The following GABRG3 variants were observed in gnomAD, a reference collection of about 807,000 sequenced individuals.
The protein encoded by GABRG3 is gamma-aminobutyric acid receptor subunit gamma-3.
A neutral mutation model predicts 48.8 loss-of-function variants in GABRG3; 25 were observed. The ratio of observed to expected loss-of-function variants is 0.51; its 90% CI spans 0.37 to 0.72. GABRG3 has a LOEUF of 0.72. GABRG3 is among the 30% of genes least tolerant of loss of function. The probability of loss-of-function intolerance (pLI) is 0.00; values close to 1 mark genes in which losing one functional copy is unlikely to be tolerated. For missense variants in GABRG3, 394 were observed against 577.9 expected (o/e 0.68, Z 3.26); for synonymous variants, 227 against 217.6 (o/e 1.04, Z -0.38).
Position 27,084,602 on chromosome 15 carries a change from G to A in GABRG3, c.270+57781G>A, listed in dbSNP as rs142761606. On this transcript the variant is annotated intron_variant, in intron 3 of 9. Coordinates refer to ENST00000615808, the MANE Select transcript of GABRG3 (RefSeq NM_033223.5). ...TGGCACAAGAGTCAGAGAACCTTCT[G>A]GAAAGACTGTTCAGTCTTTAACCAT... Among the ~76,000 whole-genome samples the A allele has an allele frequency of 4.4e-3, 675 of 152,332 alleles. 8 individuals are homozygous for A. The highest frequency in any genetic ancestry group is 0.015 in the African/African-American group (636 of 41,562).
At chr15:27,465,703 C>A (rs1889587055) in intron 5 of GABRG3, among the ~76,000 whole-genome samples, 1 of 152,196 alleles carries the variant, frequency 6.6e-6, no homozygotes, top group Non-Finnish European at 1.5e-5. Flanking sequence ...CCTCCCTGCA[C>A]TGAGTTTGCA....
intron 3 of GABRG3, among the ~76,000 whole-genome samples, chr15:27,258,434 G>A (rs955962573): frequency 4.6e-5 from 7 of 151,970 alleles, no homozygotes; most frequent in African/African-American, 1.2e-4. Context: ...TGCAGCATGC[G>A]GGACCATTTT....
intron 3 of GABRG3, among the ~76,000 whole-genome samples, chr15:27,046,729 G>C (rs1345853432): frequency 6.6e-6 from 1 of 152,138 alleles, no homozygotes; most frequent in Non-Finnish European, 1.5e-5. Flanking sequence ...CTTTTTTGGA[G>C]GTCTGAAAAT....
chr15:27,497,613 G>A lies in GABRG3; in HGVS notation c.712+16826G>A, dbSNP rs118101731. On this transcript the variant is annotated intron_variant, in intron 6 of 9. Coordinates refer to ENST00000615808, the MANE Select transcript of GABRG3 (RefSeq NM_033223.5). Reference sequence around the variant, plus strand: ...AAAAGCTTAAATGTGAAAATGACTCGGAGTTCAGAAAAGTATGTATTATTT... The same window carrying A: ...AAAAGCTTAAATGTGAAAATGACTCAGAGTTCAGAAAAGTATGTATTATTT... 7.2e-5 allele frequency among the ~76,000 whole-genome samples: 11 copies of A among 152,146 alleles called. No individual in the cohort carries two copies. In the South Asian group the frequency reaches 1.0e-3, roughly 14 times the overall value.
chr15:27,478,193 A>T (rs1327731176), intron 5 of GABRG3, among the ~76,000 whole-genome samples: 1 of 152,252 alleles, frequency 6.6e-6, no homozygotes, highest in African/African-American at 2.4e-5. Context: ...CACAATAAAA[A>T]AATTCCAGTC....
At chr15:27,393,743 A>T (rs1018937393) in intron 5 of GABRG3, among the ~76,000 whole-genome samples, 1 of 152,152 alleles carries the variant, frequency 6.6e-6, no homozygotes, top group African/African-American at 2.4e-5. Context: ...TTATTAATAT[A>T]TGCACTCCTT....
chr15:27,145,038 G>A (rs1487233491), intron 3 of GABRG3, among the ~76,000 whole-genome samples: 2 of 152,248 alleles, frequency 1.3e-5, no homozygotes, highest in Non-Finnish European at 1.5e-5. Flanking sequence ...GGAGAAAAAG[G>A]AATTTGATAT....
intron 3 of GABRG3, among the ~76,000 whole-genome samples, chr15:27,289,653 A>G (rs542918467): frequency 6.6e-6 from 1 of 152,292 alleles, no homozygotes; most frequent in East Asian, 1.9e-4. Flanking sequence ...ATACCACTGT[A>G]CAGTATACAA....
At chr15:27,253,985 T>A (rs1890537680) in intron 3 of GABRG3, among the ~76,000 whole-genome samples, 1 of 152,224 alleles carries the variant, frequency 6.6e-6, no homozygotes, top group Non-Finnish European at 1.5e-5. Flanking sequence ...TGACATTTCT[T>A]CCCCATAACG....
intron 3 of GABRG3, among the ~76,000 whole-genome samples, chr15:27,306,045 A>G (rs186925061): frequency 0.025 from 2,163 of 87,202 alleles, 360 homozygotes; most frequent in African/African-American, 0.13. Context: ...ATAAACATAT[A>G]TAATATAAAC....
chr15:27,106,308 A>G (rs1897448793), intron 3 of GABRG3, among the ~76,000 whole-genome samples: 1 of 152,064 alleles, frequency 6.6e-6, no homozygotes, highest in Admixed American at 6.6e-5. Flanking sequence ...ACTATGTAAG[A>G]TGATAGATTT....
intron 3 of GABRG3, among the ~76,000 whole-genome samples, chr15:27,167,627 C>T: frequency 6.6e-6 from 1 of 152,182 alleles, no homozygotes. Flanking sequence ...GGGCGCCCAC[C>T]TGGAGTGTCC....
chr15:27,223,531 A>T (rs1166484109), intron 3 of GABRG3, among the ~76,000 whole-genome samples: 2 of 136,784 alleles, frequency 1.5e-5, no homozygotes, highest in African/African-American at 6.7e-5. Flanking sequence ...GGCCAGCTTC[A>T]GAAAGGCATT....
chr15:27,515,910 G>T (rs1302676250), intron 6 of GABRG3, among the ~76,000 whole-genome samples: 1 of 152,138 alleles, frequency 6.6e-6, no homozygotes, highest in East Asian at 1.9e-4. Context: ...AATACATTCT[G>T]TGAAGGGTTT....
intron 3 of GABRG3, among the ~76,000 whole-genome samples, chr15:27,192,809 C>T (rs916127635): frequency 1.3e-5 from 2 of 152,080 alleles, no homozygotes; most frequent in Non-Finnish European, 2.9e-5. Flanking sequence ...TTAGAGTTTC[C>T]AGGTTTTCTG....
chr15:27,517,036 A>G (rs8038421), intron 6 of GABRG3, among the ~76,000 whole-genome samples: 96,076 of 151,470 alleles, frequency 0.63, 31,791 homozygotes, highest in African/African-American at 0.84. Flanking sequence ...GCCTAGCACT[A>G]GGACTTTGGT....
At chr15:27,313,260 G>GTGTA (rs1319001225) in intron 3 of GABRG3, among the ~76,000 whole-genome samples, 1 of 49,556 alleles carries the variant, frequency 2.0e-5, no homozygotes, top group African/African-American at 8.9e-5. Context: ...GTGTGTGTGT[G>GTGTA]TGTATATATA....
intron 2 of GABRG3, among the ~76,000 whole-genome samples, chr15:26,981,530 C>T (rs1418020471): frequency 1.3e-5 from 2 of 152,156 alleles, no homozygotes; most frequent in Non-Finnish European, 2.9e-5. Flanking sequence ...GTTCTATATC[C>T]TTGCCTATTT....
intron 3 of GABRG3, among the ~76,000 whole-genome samples, chr15:27,169,733 A>T (rs534493844): frequency 1.3e-5 from 2 of 152,142 alleles, no homozygotes; most frequent in African/African-American, 4.8e-5. Context: ...AAGGACATTT[A>T]TTTCTCACAG....
Sources: gnomAD v4.1 joint callset for allele counts (sites outside exome capture counted in the v4.1 genomes callset) on GRCh38, gnomAD v4.1.1 for gene constraint, MANE v1.5 for transcripts, NCBI Gene and HGNC (gene_info 2026-07-23, HGNC 2026-07-21) for gene names.